LYRM4: variants seen among roughly 807,000 people sequenced by gnomAD.
The protein encoded by LYRM4 is LYR motif containing 4.
In LYRM4, 9 loss-of-function variants were observed where a neutral mutation model predicts 11.7. The ratio of observed to expected loss-of-function variants is 0.77; its 90% confidence interval spans 0.46 to 1.34. The LOEUF (loss-of-function observed/expected upper bound fraction) is 1.34, where lower values mean the gene tolerates loss of function less well. Ranked by LOEUF, LYRM4 falls within the 40% of genes most tolerant of loss-of-function variation. LYRM4 has a pLI of 0.00. For synonymous variants in LYRM4, 42 were observed against 40.4 expected (o/e 1.04, Z -0.15); for missense variants, 133 against 112.5 (o/e 1.18, Z -0.82).
intron 2 of LYRM4, among the ~76,000 whole-genome samples, chr6:5,185,689 C>A (rs1043002594): frequency 6.6e-6 from 1 of 152,196 alleles, no homozygotes; most frequent in South Asian, 2.1e-4. Flanking sequence ...TGGCAGAGAT[C>A]TGAACCCAGG....
At chr6:5,110,671 T>A (rs1762841484) in intron 2 of LYRM4, among the ~76,000 whole-genome samples, 1 of 152,152 alleles carries the variant, frequency 6.6e-6, no homozygotes. Context: ...TATTTTTAAA[T>A]GCAAGTGAAT....
chr6:5,089,823 T>G, the LYRM4 span, among the ~76,000 whole-genome samples: 1 of 152,348 alleles, frequency 6.6e-6, no homozygotes, highest in African/African-American at 2.4e-5. Flanking sequence ...GCATTAGCAC[T>G]GGCAATCTTT....
rs577388411 is a variant in LYRM4, at chr6:5,178,862, A to G, written c.207+37756T>C. On this transcript the variant is annotated intron_variant, in intron 2 of 2. Transcript: ENST00000330636. Reference sequence around the variant, plus strand: ...TTTCCTCTGATTGTACCTCACTGCTACAAAGCGTTGAAATACAGTGAGTTC... The same window carrying G: ...TTTCCTCTGATTGTACCTCACTGCTGCAAAGCGTTGAAATACAGTGAGTTC... 1.2e-4 allele frequency among the ~76,000 whole-genome samples: 18 copies of G among 147,524 alleles called. No homozygotes were observed. The East Asian group carries it at 2.6e-3, about 21-fold the overall frequency.
chr6:5,173,126 TGACTTCTGCA>T (rs1180926457), intron 2 of LYRM4, among the ~76,000 whole-genome samples: 5 of 152,030 alleles, frequency 3.3e-5, no homozygotes, highest in Non-Finnish European at 7.3e-5. Flanking sequence ...TAACTGCTAA[TGACTTCTGCA>T]GACATGTAAT....
At chr6:5,215,117 T>C (rs1198631910) in intron 2 of LYRM4, among the ~76,000 whole-genome samples, 1 of 151,364 alleles carries the variant, frequency 6.6e-6, no homozygotes, top group African/African-American at 2.4e-5. Flanking sequence ...GCGGGAGAAA[T>C]GATGGCACAG....
At chr6:5,115,588 G>A (rs570600868) in intron 2 of LYRM4, among the ~76,000 whole-genome samples, 8 of 152,246 alleles carry the variant, frequency 5.3e-5, no homozygotes, top group African/African-American at 1.4e-4. Flanking sequence ...GTGCCCTCCC[G>A]TAAGGCATGT....
chr6:5,044,102 CT>C, the LYRM4 span, among the ~76,000 whole-genome samples: 44 of 108,248 alleles, frequency 4.1e-4, 1 homozygote, highest in East Asian at 3.5e-3. Flanking sequence ...TATTGATACA[CT>C]TTTTTTTGTG....
the LYRM4 span, among the ~76,000 whole-genome samples, chr6:5,061,533 C>G: frequency 1.3e-5 from 2 of 152,228 alleles, no homozygotes; most frequent in African/African-American, 4.8e-5. Flanking sequence ...AAGCTTTTCA[C>G]TTACCAGGCT....
At position 5,112,746 on chromosome 6, in the gene LYRM4, C is replaced by G. The variant is rs768578657; in HGVS notation, c.208-3255G>C. Among the ~76,000 whole-genome samples, 4 of 152,332 alleles carry G rather than the reference C, an allele frequency of 2.6e-5. No individual in the cohort carries two copies. The East Asian group carries it at 7.7e-4, about 29-fold the overall frequency. Reference sequence around the variant, plus strand: ...CTAGAGGGATCTAGAAGATGTGACTCAGCCTAGGGAGTCAGTGAAGACTTC... The same window carrying G: ...CTAGAGGGATCTAGAAGATGTGACTGAGCCTAGGGAGTCAGTGAAGACTTC... On this transcript the variant is annotated intron_variant, in intron 2 of 2. Transcript: ENST00000330636.
intron 2 of LYRM4, among the ~76,000 whole-genome samples, chr6:5,110,640 G>A (rs889630810): frequency 6.6e-6 from 1 of 152,148 alleles, no homozygotes; most frequent in African/African-American, 2.4e-5. Flanking sequence ...GGAGATATGG[G>A]GGATGGGGGG....
chr6:5,061,079 C>T, the LYRM4 span, among the ~76,000 whole-genome samples: 1 of 152,304 alleles, frequency 6.6e-6, no homozygotes, highest in South Asian at 2.1e-4. Context: ...GTCCTTCACA[C>T]AGGAGGCTGG....
At chr6:5,105,182 CAT>C (rs1581273996), downstream of LYRM4, 2 of 152,212 alleles carry the variant, frequency 1.3e-5, no homozygotes, top group Non-Finnish European at 2.9e-5. Context: ...TTATTTAGCA[CAT>C]GTCTGAGGGG....
intron 2 of LYRM4, among the ~76,000 whole-genome samples, chr6:5,157,248 A>AT (rs1316886350): frequency 6.6e-6 from 1 of 152,240 alleles, no homozygotes; most frequent in Admixed American, 6.5e-5. Context: ...GAAAGTTACC[A>AT]TTTAATGCCT....
At chr6:5,160,557 G>GT (rs1758694479) in intron 2 of LYRM4, among the ~76,000 whole-genome samples, 1 of 152,056 alleles carries the variant, frequency 6.6e-6, no homozygotes, top group African/African-American at 2.4e-5. Flanking sequence ...CACCAAGGCT[G>GT]TTTTTTAAAG....
At chr6:5,161,078 T>G (rs1581408266) in intron 2 of LYRM4, among the ~76,000 whole-genome samples, 1 of 152,236 alleles carries the variant, frequency 6.6e-6, no homozygotes, top group Non-Finnish European at 1.5e-5. Context: ...CTACTACATA[T>G]GTGGAATATC....
chr6:5,178,409 C>T (rs371231733), intron 2 of LYRM4, among the ~76,000 whole-genome samples: 6 of 150,518 alleles, frequency 4.0e-5, no homozygotes, highest in Non-Finnish European at 1.5e-5. Context: ...GGAATTCTCA[C>T]ATGGTTCTTA....
At chr6:5,062,442 A>G in the LYRM4 span, among the ~76,000 whole-genome samples, 1 of 151,816 alleles carries the variant, frequency 6.6e-6, no homozygotes, top group Admixed American at 6.6e-5. Context: ...GAGAGCCACC[A>G]TGTCTGGCCT....
At chr6:5,141,516 A>T (rs1481218726) in intron 2 of LYRM4, among the ~76,000 whole-genome samples, 2 of 152,232 alleles carry the variant, frequency 1.3e-5, no homozygotes, top group Non-Finnish European at 2.9e-5. Flanking sequence ...ACCGTAGCGG[A>T]ACAGTACTGG....
chr6:5,143,736 T>C (rs948504966), intron 2 of LYRM4, among the ~76,000 whole-genome samples: 12 of 152,144 alleles, frequency 7.9e-5, no homozygotes, highest in African/African-American at 2.9e-4. Context: ...CAGAAGAACC[T>C]GAGTGCCAAA....
Sources: allele counts gnomAD v4.1 joint callset (sites outside exome capture counted in the v4.1 genomes callset), GRCh38; gene constraint gnomAD v4.1.1; transcripts MANE v1.5; gene names NCBI Gene and HGNC (gene_info 2026-07-23, HGNC 2026-07-21).